EYS: variants seen among roughly 807,000 people sequenced by gnomAD.
EYS encodes protein eyes shut homolog.
In EYS, 250 loss-of-function variants were observed where a neutral mutation model predicts 282.1. The ratio of observed to expected loss-of-function variants is 0.89; its 90% CI spans 0.80 to 0.98. The LOEUF is 0.98. Among genes scored for constraint, EYS ranks in the 50% least tolerant of loss-of-function variants. The pLI, the probability that EYS is intolerant of heterozygous loss-of-function variation, is 0.00. For missense variants in EYS, 4,016 were observed against 3,709.0 expected, an observed-to-expected ratio of 1.08 and a Z score of -2.15; for synonymous variants, 1,355 against 1,282.9, an observed-to-expected ratio of 1.06 and a Z score of -1.20.
At chr6:63,735,002 G>C (rs1163610184) in intron 41 of EYS, among the ~76,000 whole-genome samples, 1 of 151,970 alleles carries the variant, frequency 6.6e-6, no homozygotes, top group Non-Finnish European at 1.5e-5. Flanking sequence ...TAAATACTGG[G>C]CCATAAAACA....
chr6:65,130,518 G>A (rs1456492970), intron 12 of EYS, among the ~76,000 whole-genome samples: 2 of 151,882 alleles, frequency 1.3e-5, no homozygotes, highest in Non-Finnish European at 2.9e-5. Flanking sequence ...GATGGCACTG[G>A]AGGCCATTAT....
chr6:65,410,628 T>C (rs1016672871), intron 5 of EYS, among the ~76,000 whole-genome samples: 2 of 150,952 alleles, frequency 1.3e-5, no homozygotes, highest in African/African-American at 4.9e-5. Context: ...ATTTCACTTA[T>C]GAGTGAGATC....
At chr6:64,429,385 C>T (rs1332494178) in intron 28 of EYS, among the ~76,000 whole-genome samples, 1 of 152,146 alleles carries the variant, frequency 6.6e-6, no homozygotes, top group Non-Finnish European at 1.5e-5. Context: ...AATCCCAGAA[C>T]TTTGGGAAGC....
intron 30 of EYS, among the ~76,000 whole-genome samples, chr6:64,249,974 A>C (rs1373638471): frequency 6.6e-6 from 1 of 152,218 alleles, no homozygotes; most frequent in Non-Finnish European, 1.5e-5. Flanking sequence ...GAAGTGAGGC[A>C]GAAAATACCT....
intron 35 of EYS, among the ~76,000 whole-genome samples, chr6:63,953,295 C>T (rs1037129142): frequency 1.3e-5 from 2 of 152,162 alleles, no homozygotes; most frequent in African/African-American, 4.8e-5. Flanking sequence ...TCATGATTTA[C>T]TTTCTTTCCA....
chr6:65,255,678 AT>A (rs1767441864), intron 12 of EYS, among the ~76,000 whole-genome samples: 1 of 152,120 alleles, frequency 6.6e-6, no homozygotes, highest in Admixed American at 6.6e-5. Flanking sequence ...AAATAATCAA[AT>A]TAAAAATTAG....
At chr6:64,401,400 A>C (rs555827371) in intron 28 of EYS, among the ~76,000 whole-genome samples, 1 of 152,176 alleles carries the variant, frequency 6.6e-6, no homozygotes, top group South Asian at 2.1e-4. Context: ...TAAAAATATA[A>C]AGGAATTAGT....
At chr6:64,806,264 G>T (rs1243494515) in intron 22 of EYS, among the ~76,000 whole-genome samples, 3 of 151,690 alleles carry the variant, frequency 2.0e-5, no homozygotes, top group Non-Finnish European at 1.5e-5. Context: ...AAGCTAAGTT[G>T]ATTAATGATA....
At chr6:65,086,083 T>C (rs910880361) in intron 12 of EYS, among the ~76,000 whole-genome samples, 1 of 151,622 alleles carries the variant, frequency 6.6e-6, no homozygotes, top group Admixed American at 6.6e-5. Context: ...TAGTTTTAAA[T>C]ATGATAGTTT....
intron 33 of EYS, among the ~76,000 whole-genome samples, chr6:64,063,650 G>A (rs887150760): frequency 1.3e-5 from 2 of 152,086 alleles, no homozygotes; most frequent in African/African-American, 4.8e-5. Flanking sequence ...ACCCTCTTCT[G>A]CTTCTCTGTT....
At position 63,996,119 on chromosome 6, in the gene EYS, G is replaced by A. The variant is rs1285434625; in HGVS notation, c.6834+2956C>T. On this transcript the variant is annotated intron_variant, in intron 34 of 42. Coordinates refer to ENST00000503581, the MANE Select transcript of EYS (RefSeq NM_001142800.2). The stretch of plus-strand genomic sequence containing the variant: ...ATAATAAAAAAGGAAAACGATATAT[G>A]TGTAGATATTATGGAATATTCAATT... Among the ~76,000 whole-genome samples, 4 of 151,888 alleles carry A rather than the reference G, an allele frequency of 2.6e-5. No homozygotes were observed. In the East Asian group the frequency reaches 5.8e-4, roughly 22 times the overall value.
intron 15 of EYS, among the ~76,000 whole-genome samples, chr6:64,928,721 T>C (rs1024979994): frequency 6.7e-6 from 1 of 148,980 alleles, no homozygotes; most frequent in Non-Finnish European, 1.5e-5. Context: ...CATTTTTTTT[T>C]AATTTTAGTT....
At chr6:65,227,005 C>A (rs1160922683) in intron 12 of EYS, among the ~76,000 whole-genome samples, 1 of 151,986 alleles carries the variant, frequency 6.6e-6, no homozygotes, top group Non-Finnish European at 1.5e-5. Context: ...GAGGCCGAGG[C>A]CTGTGGATCA....
At chr6:65,518,551 T>C (rs1463126223) in intron 2 of EYS, among the ~76,000 whole-genome samples, 1 of 152,188 alleles carries the variant, frequency 6.6e-6, no homozygotes, top group Non-Finnish European at 1.5e-5. Context: ...AGATTTATTT[T>C]ATTTATTTTC....
intron 5 of EYS, among the ~76,000 whole-genome samples, chr6:65,439,278 A>G (rs116085871): frequency 0.047 from 7,098 of 151,378 alleles, 453 homozygotes; most frequent in African/African-American, 0.14. Flanking sequence ...AGTCAGGTAG[A>G]GTGATATCTC....
intron 29 of EYS, among the ~76,000 whole-genome samples, chr6:64,386,628 C>T (rs542824381): frequency 2.6e-5 from 4 of 152,066 alleles, no homozygotes; most frequent in African/African-American, 7.2e-5. Flanking sequence ...ATAAACCTGC[C>T]GTTTTCCCTA....
intron 30 of EYS, among the ~76,000 whole-genome samples, chr6:64,293,194 T>C (rs1344094855): frequency 6.6e-6 from 1 of 152,124 alleles, no homozygotes; most frequent in Non-Finnish European, 1.5e-5. Flanking sequence ...CTGGTCACTT[T>C]ATTGCTATTA....
chr6:65,663,376 A>T (rs1462520682), intron 1 of EYS, among the ~76,000 whole-genome samples: 1 of 152,200 alleles, frequency 6.6e-6, no homozygotes, highest in Non-Finnish European at 1.5e-5. Flanking sequence ...GACACCATAG[A>T]AAAATAAGAG....
intron 27 of EYS, among the ~76,000 whole-genome samples, chr6:64,436,917 T>A (rs1561993978): frequency 6.6e-6 from 1 of 151,788 alleles, no homozygotes; most frequent in African/African-American, 2.4e-5. Flanking sequence ...GTCTATTCTT[T>A]CCCAGAGAGG....
Sources: allele counts gnomAD v4.1 joint callset (sites outside exome capture counted in the v4.1 genomes callset), GRCh38; gene constraint gnomAD v4.1.1; transcripts MANE v1.5; gene names NCBI Gene and HGNC (gene_info 2026-07-23, HGNC 2026-07-21).